Variants in STXBP5 observed in about 807,000 individuals in gnomAD.
STXBP5 encodes syntaxin binding protein 5.
In STXBP5, 50 loss-of-function variants were observed where a neutral mutation model predicts 152.4. The observed-to-expected ratio is 0.33, with a 90% CI of 0.26 to 0.42. The LOEUF is 0.42. Ranked by LOEUF, STXBP5 falls within the 10% of genes least tolerant of loss-of-function variation. The pLI, the probability that STXBP5 is intolerant of heterozygous loss-of-function variation, is 1.00. For missense variants in STXBP5, 1,167 were observed against 1,388.6 expected (o/e 0.84, Z 2.54); for synonymous variants, 492 against 494.7 (o/e 0.99, Z 0.07).
chr6:147,347,038 G>A lies in STXBP5; in HGVS notation c.2255-6285G>A, dbSNP rs114739419. ...GCAGAGAGTGGAATTCTGGGTTGCT[G>A]GCATGACTGGAATATTTGCTAGAGA... is the stretch of plus-strand genomic sequence containing the variant. On this transcript the variant is annotated intron_variant, in intron 21 of 27. Transcript: ENST00000321680. Among the ~76,000 whole-genome samples, 1,219 of 152,180 alleles carry A rather than the reference G, an allele frequency of 8.0e-3. 21 individuals carry two copies. Among genetic ancestry groups the A allele is most frequent in the African/African-American group, 0.028 (1,165 of 41,530 alleles).
rs1781077912 is a variant in STXBP5 at position 147,288,033 on chromosome 6, C to CT, written c.839-3058dup. On this transcript the variant is annotated intron_variant, in intron 8 of 27. Coordinates refer to ENST00000321680, the MANE Select transcript of STXBP5 (RefSeq NM_001127715.4). ...ACTGGGGCCTTCTCCTTTCCTCACT[C>CT]TTTCCTGGGCAGGCAGCCTTTTAGA... Among the ~76,000 whole-genome samples the CT allele has an allele frequency of 2.6e-5, 4 of 151,902 alleles. No homozygotes were observed. The South Asian group carries it at 8.3e-4, about 32-fold the overall frequency.
In STXBP5 at chr6:147,363,336, T is replaced by C; in HGVS notation, c.2547T>C (p.Gly849=). ...LLQPVIVSPS[G]TILRLKGAIL... The stretch of plus-strand genomic sequence containing the variant: ...ATTTACTAGACTTCTATATTTTAGG[T>C]ACTATATTGAGGTTAAAAGGTGCAA... Residue 849 remains glycine, a splice_region_variant and synonymous_variant, in exon 24 of 28, where the codon GGT becomes GGC. Transcript: ENST00000321680. 1 of 1,570,242 alleles carries C rather than the reference T, an allele frequency of 6.4e-7. No individual in the cohort carries two copies. The highest frequency in any genetic ancestry group is 8.6e-7 in the Non-Finnish European group (1 of 1,163,690).
intron 7 of STXBP5, among the ~76,000 whole-genome samples, chr6:147,271,531 A>G (rs1429134815): frequency 6.6e-6 from 1 of 152,184 alleles, no homozygotes; most frequent in Non-Finnish European, 1.5e-5. Context: ...GAAAAGGGAA[A>G]CAACATATTT....
In STXBP5 at chr6:147,205,998, C is replaced by T. The variant is rs1776535555; in HGVS notation, c.178C>T (p.Pro60Ser). 1.9e-6 allele frequency: 3 copies of T among 1,614,016 alleles called. No homozygotes were observed. The highest frequency in any genetic ancestry group is 3.3e-4 in the Middle Eastern group (2 of 6,084). The change falls in exon 2 of 28, where the codon CCC becomes TCC. Residue 60 changes from proline to serine, a missense_variant. Pro to Ser is a moderately conservative substitution (Grantham distance 74, BLOSUM62 -1). This residue lies in a region of STXBP5 where 310 missense variants were observed against 346.1 expected (regional missense o/e 0.90). Coordinates refer to ENST00000321680, the MANE Select transcript of STXBP5 (RefSeq NM_001127715.4). ...KTVRHGFPYQ[P>S]SALAFDPVQK... ...TGTTCGCCATGGATTTCCCTATCAA[C>T]CCTCAGCCCTGGCCTTTGATCCTGT...
At chr6:147,369,078 A>G (rs1785426920) in intron 25 of STXBP5, among the ~76,000 whole-genome samples, 2 of 152,080 alleles carry the variant, frequency 1.3e-5, no homozygotes, top group Admixed American at 6.5e-5. Flanking sequence ...CCTTATTTCA[A>G]GATTATTATA....
At chr6:147,213,434 A>ATATGTGTGTGTGTGTGTGTGTG (rs1216361619) in intron 2 of STXBP5, among the ~76,000 whole-genome samples, 2 of 85,528 alleles carry the variant, frequency 2.3e-5, no homozygotes, top group Non-Finnish European at 4.9e-5. Flanking sequence ...AATTTTATAT[A>ATATGTGTGTGTGTGTGTGTGTG]TGTGTGTGTG....
At position 147,373,836 on chromosome 6, in the gene STXBP5, G is replaced by T; in HGVS notation, c.3187G>T (p.Glu1063Ter). ...TGGTGCACAATCTCTTGACAGAGAA[G>T]AACTATGTAAGTTGATTTATTTAAT... ...GGGAQSLDRE[E>*]LFGESSSGKA... Residue 1063 changes from glutamate (E) to a stop codon, truncating the protein, a stop_gained, in exon 26 of 28, where the codon GAA becomes TAA. Transcript: ENST00000321680. LOFTEE classifies it high-confidence loss of function. 6.2e-7 allele frequency: 1 copy of T among 1,608,144 alleles called. No individual in the cohort carries two copies.
At chr6:147,281,170 C>T (rs1395341352) in intron 8 of STXBP5, among the ~76,000 whole-genome samples, 2 of 152,200 alleles carry the variant, frequency 1.3e-5, no homozygotes, top group Admixed American at 1.3e-4. Flanking sequence ...GATTCTCCTG[C>T]ACTAGCCTCC....
chr6:147,310,516 CAT>C (rs1432467040), intron 10 of STXBP5, among the ~76,000 whole-genome samples: 1 of 140,212 alleles, frequency 7.1e-6, no homozygotes, highest in Non-Finnish European at 1.5e-5. Flanking sequence ...CGCACACACT[CAT>C]AGGAGAGAAA....
At chr6:147,205,940 G>T (rs775170341) in intron 1 of STXBP5, 31 bp from the exon 2 acceptor site, 1 of 1,570,004 alleles carries the variant, frequency 6.4e-7, no homozygotes, top group South Asian at 1.1e-5. Context: ...TTGCTGCCTT[G>T]GTTGCTGTGA....
intron 2 of STXBP5, among the ~76,000 whole-genome samples, chr6:147,213,244 A>C (rs1582790863): frequency 6.6e-6 from 1 of 151,864 alleles, no homozygotes; most frequent in South Asian, 2.1e-4. Flanking sequence ...GGAAGAGGCA[A>C]TTATTTACAA....
intron 25 of STXBP5, among the ~76,000 whole-genome samples, chr6:147,367,410 G>A (rs907860544): frequency 2.6e-5 from 4 of 152,018 alleles, no homozygotes; most frequent in Non-Finnish European, 4.4e-5. Flanking sequence ...AGGCCGAGGC[G>A]GGTGGATCAC....
intron 9 of STXBP5, among the ~76,000 whole-genome samples, chr6:147,308,972 G>A (rs1782234992): frequency 6.6e-6 from 1 of 152,152 alleles, no homozygotes; most frequent in African/African-American, 2.4e-5. Context: ...AATTATCTGA[G>A]ATTAGATACT....
At chr6:147,349,418 G>T (rs1164042490) in intron 21 of STXBP5, among the ~76,000 whole-genome samples, 1 of 152,104 alleles carries the variant, frequency 6.6e-6, no homozygotes, top group Non-Finnish European at 1.5e-5. Flanking sequence ...AACAGTTTGA[G>T]TTACAGAGGT....
At chr6:147,297,392 C>G (rs896549090) in intron 9 of STXBP5, among the ~76,000 whole-genome samples, 2 of 152,068 alleles carry the variant, frequency 1.3e-5, no homozygotes, top group Admixed American at 1.3e-4. Flanking sequence ...AACTCTTTCC[C>G]AGACAAGGAA....
chr6:147,309,516 GAATT>G (rs1782261316), intron 9 of STXBP5, among the ~76,000 whole-genome samples: 1 of 152,150 alleles, frequency 6.6e-6, no homozygotes, highest in Non-Finnish European at 1.5e-5. Context: ...GGGCTAATTA[GAATT>G]ATCAGGCTGG....
At chr6:147,341,477 T>G (rs1002424487) in intron 21 of STXBP5, among the ~76,000 whole-genome samples, 2 of 152,160 alleles carry the variant, frequency 1.3e-5, no homozygotes, top group African/African-American at 4.8e-5. Context: ...TTCCTCAATA[T>G]ACAAGCATTT....
intron 18 of STXBP5, 67 bp from the exon 19 acceptor site, chr6:147,334,090 A>G: frequency 6.6e-7 from 1 of 1,507,826 alleles, no homozygotes. Flanking sequence ...TGTGTACTAT[A>G]AATAAAAGAC....
At chr6:147,258,713 G>A (rs1250920686) in intron 4 of STXBP5, among the ~76,000 whole-genome samples, 6 of 152,220 alleles carry the variant, frequency 3.9e-5, no homozygotes, top group East Asian at 1.9e-4. Context: ...GATTACAGGC[G>A]TGAGCCACCG....
Sources: gnomAD v4.1 joint callset for allele counts (sites outside exome capture counted in the v4.1 genomes callset) on GRCh38, gnomAD v4.1.1 for gene constraint, gnomAD v4.1.1 regional missense constraint, MANE v1.5 for transcripts, NCBI Gene and HGNC (gene_info 2026-07-23, HGNC 2026-07-21) for gene names.